Variants in EBF3 observed in about 807,000 individuals in gnomAD.
The protein encoded by EBF3 is EBF transcription factor 3.
In EBF3, 18 loss-of-function variants were observed where a neutral mutation model predicts 77.1. That is an observed-to-expected ratio of 0.23 (90% confidence interval 0.16 to 0.35). EBF3 has a LOEUF of 0.35. Among genes scored for constraint, EBF3 ranks in the 10% least tolerant of loss-of-function variants. EBF3 has a pLI of 1.00. For synonymous variants in EBF3, 350 were observed against 343.5 expected (o/e 1.02, Z -0.21); for missense variants, 558 against 860.0 (o/e 0.65, Z 4.39).
At chr10:129,905,715 C>T (rs538077226) in intron 6 of EBF3, among the ~76,000 whole-genome samples, 9 of 152,250 alleles carry the variant, frequency 5.9e-5, no homozygotes, top group East Asian at 3.9e-4. Flanking sequence ...CTCTCCAGGA[C>T]GGTGGCGGGG....
At chr10:129,838,482 C>T (rs1206842565) in intron 16 of EBF3, among the ~76,000 whole-genome samples, 1 of 152,196 alleles carries the variant, frequency 6.6e-6, no homozygotes, top group East Asian at 1.9e-4. Context: ...CTCTCTGTAT[C>T]GTAATGGTGA....
chr10:129,933,192 A>ACACG (rs1313823760), intron 6 of EBF3, among the ~76,000 whole-genome samples: 3 of 152,206 alleles, frequency 2.0e-5, no homozygotes, highest in Non-Finnish European at 4.4e-5. Flanking sequence ...TTCGGAGCAC[A>ACACG]CACGCACACA....
chr10:129,907,278 G>A lies in EBF3; in HGVS notation c.555-29429C>T, dbSNP rs187904497. Among the ~76,000 whole-genome samples the A allele has an allele frequency of 9.2e-5, 14 of 152,340 alleles. No homozygotes were observed. The East Asian group carries it at 2.7e-3, about 29-fold the overall frequency. On this transcript the variant is annotated intron_variant, in intron 6 of 16. Transcript: ENST00000440978. ...GGCGCCCCTGTTTGCAGCTCTCCAC[G>A]CCAAAGGCCCCTTGGCCTCATTAAT...
intron 11 of EBF3, among the ~76,000 whole-genome samples, chr10:129,847,032 T>C (rs1026102552): frequency 6.6e-6 from 1 of 152,026 alleles, no homozygotes; most frequent in African/African-American, 2.4e-5. Flanking sequence ...GGCTGGGTGC[T>C]CACCAATGAG....
In EBF3 at chr10:129,870,756, G is replaced by A. The variant is rs1177418888; in HGVS notation, c.781+2696C>T. On this transcript the variant is annotated intron_variant, in intron 8 of 16. Transcript: ENST00000440978. The surrounding 1 kb of genome is among the most constrained non-coding windows in gnomAD (Gnocchi z 4.4). ...CAAAACGGGAGCGTGACTCAACTTG[G>A]AAACCCGTGTTGGAGACCCATATCT... Among the ~76,000 whole-genome samples the A allele has an allele frequency of 6.6e-6, 1 of 152,166 alleles. No homozygotes were observed. Among genetic ancestry groups the A allele is most frequent in the East Asian group, 1.9e-4 (1 of 5,172 alleles).
rs942206763 is a variant in EBF3, at chr10:129,897,845, A to G, written c.555-19996T>C. On this transcript the variant is annotated intron_variant, in intron 6 of 16. Coordinates refer to ENST00000440978, the MANE Select transcript of EBF3 (RefSeq NM_001375380.1). This position sits in a 1 kb window ranked among gnomAD's most constrained non-coding sequence, Gnocchi z 4.6. ...GCGAGTACATGGCGGCCAGAGGCAG[A>G]TATCATTGAACTTTGTTGGGGTTTT... is the stretch of plus-strand genomic sequence containing the variant. 6.6e-6 allele frequency among the ~76,000 whole-genome samples: 1 copy of G among 152,216 alleles called. No homozygotes were observed. The highest frequency in any genetic ancestry group is 1.5e-5 in the Non-Finnish European group (1 of 68,042).
At chr10:129,900,215 T>G (rs1226486516) in intron 6 of EBF3, among the ~76,000 whole-genome samples, 2 of 152,206 alleles carry the variant, frequency 1.3e-5, no homozygotes, top group Non-Finnish European at 2.9e-5. Context: ...TACAAAAATA[T>G]CCTTCTCTCA....
At chr10:129,845,650 C>A (rs1850399430) in intron 11 of EBF3, 2 of 152,012 alleles carry the variant, frequency 1.3e-5, no homozygotes, top group African/African-American at 2.4e-5. Context: ...TTGAAGAGTG[C>A]AGAGCCATTA....
chr10:129,943,111 C>T lies in EBF3; in HGVS notation c.554+14147G>A, dbSNP rs1392212358. ...GATGGGAATGACTGGATCACTCCAC[C>T]GGCTGCTCAAGAAGCCAACAACTTC... On this transcript the variant is annotated intron_variant, in intron 6 of 16. Transcript: ENST00000440978. The surrounding 1 kb of genome is among the most constrained non-coding windows in gnomAD (Gnocchi z 8.8). Among the ~76,000 whole-genome samples, 5 of 152,170 alleles carry T rather than the reference C, an allele frequency of 3.3e-5. No homozygotes were observed. Among genetic ancestry groups the T allele is most frequent in the African/African-American group, 4.8e-5 (2 of 41,438 alleles).
intron 15 of EBF3, 54 bp downstream of exon 15, chr10:129,840,182 CCACTCCCAT>C: frequency 1.0e-4 from 133 of 1,331,022 alleles, no homozygotes; most frequent in Middle Eastern, 2.6e-4. Context: ...GCCCCCACCC[CCACTCCCAT>C]CCCCACCCCT....
chr10:129,876,885 A>ACCC (rs10573399), intron 7 of EBF3, among the ~76,000 whole-genome samples: 4 of 42,394 alleles, frequency 9.4e-5, no homozygotes, highest in Admixed American at 3.9e-4. Flanking sequence ...TCATCCCTGA[A>ACCC]CCCCCCCCCC....
Position 129,867,157 on chromosome 10 carries a change from C to A in EBF3, c.1023G>T (p.Gly341=). 1 of 1,613,856 alleles carries A rather than the reference C, an allele frequency of 6.2e-7. No individual in the cohort carries two copies. The highest frequency in any genetic ancestry group is 8.5e-7 in the Non-Finnish European group (1 of 1,179,916). The part of the protein sequence containing the change: ...KSKQFCKGAP[G]RFVYTALNEP... ...TGAACTCACCGGTGTAGACAAAGCG[C>A]CCAGGAGCACCTTTGCAGAACTGCT... Residue 341 remains glycine, a synonymous_variant, in exon 10 of 17, where the codon GGG becomes GGT. Transcript: ENST00000440978.
rs1686321343 is a variant in EBF3 at position 129,947,408 on chromosome 10, A to G, written c.554+9850T>C. On this transcript the variant is annotated intron_variant, in intron 6 of 16. Transcript: ENST00000440978. The surrounding 1 kb of genome is among the most constrained non-coding windows in gnomAD (Gnocchi z 4.5). ...AGCTGGCCTAACATTTTGTTTGGCAATTAGGAAAATTTGTACTTTAATTTA... is the reference window on the plus strand; with the variant it reads ...AGCTGGCCTAACATTTTGTTTGGCAGTTAGGAAAATTTGTACTTTAATTTA... Among the ~76,000 whole-genome samples the G allele has an allele frequency of 6.6e-6, 1 of 152,230 alleles. No homozygotes were observed. Among genetic ancestry groups the G allele is most frequent in the South Asian group, 2.1e-4 (1 of 4,828 alleles).
Position 129,930,846 on chromosome 10 carries a change from A to G in EBF3, c.554+26412T>C, listed in dbSNP as rs576963237. 1.2e-4 allele frequency among the ~76,000 whole-genome samples: 18 copies of G among 148,988 alleles called. 1 individual carries two copies. In the South Asian group the frequency reaches 3.0e-3, roughly 25 times the overall value. ...CATATATCTATATCTGTATCTGTCT[A>G]TATCTATCTCTATATTAACAAATCC... On this transcript the variant is annotated intron_variant, in intron 6 of 16. Coordinates refer to ENST00000440978, the MANE Select transcript of EBF3 (RefSeq NM_001375380.1).
rs79897588 is a variant in EBF3 at position 129,862,899 on chromosome 10, T to C, written c.1039+4242A>G. 3.1e-3 allele frequency among the ~76,000 whole-genome samples: 465 copies of C among 152,336 alleles called. 3 individuals carry two copies. Among genetic ancestry groups the C allele is most frequent in the African/African-American group, 0.011 (451 of 41,576 alleles). ...AATGCGAAACTGCCCAATTTGTGTA[T>C]ACTGCGAGTTTCTCAGGTAGGACAT... On this transcript the variant is annotated intron_variant, in intron 10 of 16. Transcript: ENST00000440978.
chr10:129,958,372 T>G (rs1302244837), intron 5 of EBF3, among the ~76,000 whole-genome samples: 2 of 152,166 alleles, frequency 1.3e-5, no homozygotes, highest in Non-Finnish European at 2.9e-5. Context: ...GAAACTCTTG[T>G]GGTAGTTAGA....
intron 3 of EBF3, among the ~76,000 whole-genome samples, chr10:129,962,606 C>T (rs935207908): frequency 1.3e-5 from 2 of 150,006 alleles, no homozygotes; most frequent in Non-Finnish European, 3.0e-5. Flanking sequence ...AAAAAAAAAA[C>T]TCGTTCACAG....
At chr10:129,932,232 G>A (rs772764626) in intron 6 of EBF3, among the ~76,000 whole-genome samples, 12 of 152,314 alleles carry the variant, frequency 7.9e-5, no homozygotes, top group African/African-American at 2.6e-4. Flanking sequence ...TAACTGTAAC[G>A]GATAAAATGC....
At chr10:129,846,012 C>A (rs1850431574) in intron 11 of EBF3, 1 of 139,262 alleles carries the variant, frequency 7.2e-6, no homozygotes, top group African/African-American at 2.7e-5. Context: ...AATGAGAATT[C>A]TTTAGTCTCT....
Sources: gnomAD v4.1 joint callset for allele counts (sites outside exome capture counted in the v4.1 genomes callset) on GRCh38, gnomAD v4.1.1 for gene constraint, Gnocchi (gnomAD v3.1) non-coding constraint, MANE v1.5 for transcripts, NCBI Gene and HGNC (gene_info 2026-07-23, HGNC 2026-07-21) for gene names.